HSPG2: variants seen among roughly 807,000 people sequenced by gnomAD.
HSPG2 encodes the protein basement membrane-specific heparan sulfate proteoglycan core protein.
Under a neutral mutation model 526.6 loss-of-function variants are expected in HSPG2, and 278 were observed. The observed-to-expected ratio is 0.53, with a 90% CI of 0.48 to 0.58. The LOEUF (loss-of-function observed/expected upper bound fraction) is 0.58, where lower values mean the gene tolerates loss of function less well. HSPG2 is among the 20% of genes least tolerant of loss of function. The pLI is 0.00. For missense variants in HSPG2, 5,354 were observed against 6,099.5 expected (o/e 0.88, Z 4.07); for synonymous variants, 2,465 against 2,555.4 (o/e 0.96, Z 1.07).
intron 77 of HSPG2, among the ~76,000 whole-genome samples, chr1:21,834,175 A>G (rs923788956): frequency 2.6e-5 from 4 of 152,332 alleles, no homozygotes; most frequent in Admixed American, 2.0e-4. Flanking sequence ...TGGGCAAAAA[A>G]TTGTGCAGCC....
At position 21,849,029 on chromosome 1, in the gene HSPG2, C is replaced by A. The variant is rs779935740; in HGVS notation, c.7449G>T (p.Val2483=). The A allele has an allele frequency of 1.9e-6, 3 of 1,613,838 alleles. No individual in the cohort carries two copies. The highest frequency in any genetic ancestry group is 2.5e-6 in the Non-Finnish European group (3 of 1,179,986). ...RGGSLPARHQ[V]HGSRLRLLQV... Reference sequence around the variant, plus strand: ...GGAGCAGGCGTAGCCTCGAGCCATGCACCTGGGAGGGTCAGGAGGGAGGAG... The same window carrying A: ...GGAGCAGGCGTAGCCTCGAGCCATGAACCTGGGAGGGTCAGGAGGGAGGAG... The change falls in exon 58 of 97, where the codon GTG becomes GTT. Residue 2483 remains valine (V), a splice_region_variant and synonymous_variant. Transcript: ENST00000374695.
chr1:21,907,617 A>G (rs1035401769), intron 1 of HSPG2, among the ~76,000 whole-genome samples: 7 of 152,170 alleles, frequency 4.6e-5, no homozygotes, highest in African/African-American at 1.7e-4. Context: ...TCCTAGGCTC[A>G]AGATATCCTC....
In HSPG2 at chr1:21,854,229, G is replaced by C. The variant is rs939252224; in HGVS notation, c.6403C>G (p.Leu2135Val). The C allele has an allele frequency of 3.2e-5, 51 of 1,596,896 alleles. No individual in the cohort carries two copies. Among genetic ancestry groups the C allele is most frequent in the Non-Finnish European group, 4.3e-5 (50 of 1,171,528 alleles). ...CTGGGGCCAGAATGGGTGCCGTGGAGCACAGACACAGTAATGGAGGCCTCC... is the reference window on the plus strand; with the variant it reads ...CTGGGGCCAGAATGGGTGCCGTGGACCACAGACACAGTAATGGAGGCCTCC... Reference protein sequence around the residue: ...PKEASITVSVLHGTHSGPSYT... With the variant: ...PKEASITVSVVHGTHSGPSYT... The change falls in exon 50 of 97, where the codon CTC becomes GTC. Residue 2135 changes from leucine to valine, a missense_variant. Coordinates refer to ENST00000374695, the MANE Select transcript of HSPG2 (RefSeq NM_005529.7).
chr1:21,850,266 G>A (rs1638783531), intron 56 of HSPG2, 74 bp from the exon 57 acceptor site: 3 of 1,611,598 alleles, frequency 1.9e-6, no homozygotes, highest in African/African-American at 1.3e-5. Flanking sequence ...CTCAAGGCAG[G>A]TGCAGTCTGC....
intron 1 of HSPG2, among the ~76,000 whole-genome samples, chr1:21,936,043 C>G (rs975704417): frequency 6.6e-6 from 1 of 152,056 alleles, no homozygotes; most frequent in Non-Finnish European, 1.5e-5. Flanking sequence ...AAACACCAGC[C>G]TGGTTAGAAA....
chr1:21,855,857 C>T lies in HSPG2; in HGVS notation c.5631G>A (p.Val1877=), dbSNP rs745830032. The T allele has an allele frequency of 6.8e-6, 11 of 1,613,000 alleles. No individual in the cohort carries two copies. The highest frequency in any genetic ancestry group is 5.3e-5 in the African/African-American group (4 of 75,050). Residue 1877 remains valine (V), a synonymous_variant, in exon 45 of 97, where the codon GTG becomes GTA. Transcript: ENST00000374695. ...VVSIHPPQLT[V]QPGQLAEFRC... ...GGAACTCCGCCAGTTGCCCGGGCTGCACTGTGAGCTGTGGCGGATGGATGG... is the reference window on the plus strand; with the variant it reads ...GGAACTCCGCCAGTTGCCCGGGCTGTACTGTGAGCTGTGGCGGATGGATGG...
intron 1 of HSPG2, among the ~76,000 whole-genome samples, chr1:21,909,086 C>T (rs1207821671): frequency 2.0e-5 from 3 of 152,108 alleles, no homozygotes; most frequent in Admixed American, 6.6e-5. Context: ...CCAGCCTGGG[C>T]GACAGAGTGA....
In HSPG2 at chr1:21,886,403, G is replaced by A. The variant is rs529652867; in HGVS notation, c.1078+812C>T. ...CCGGGGCTTGCTGTGGAGTGGGCAG[G>A]GGAAGGAAGGCAAGGAGAAGCTGGA... On this transcript the variant is annotated intron_variant, in intron 9 of 96. Coordinates refer to ENST00000374695, the MANE Select transcript of HSPG2 (RefSeq NM_005529.7). Among the ~76,000 whole-genome samples, 4 of 152,302 alleles carry A rather than the reference G, an allele frequency of 2.6e-5. No individual in the cohort carries two copies. In the South Asian group the frequency reaches 6.2e-4, roughly 24 times the overall value.
At chr1:21,901,226 T>C (rs1423173559) in intron 1 of HSPG2, among the ~76,000 whole-genome samples, 5 of 151,918 alleles carry the variant, frequency 3.3e-5, no homozygotes, top group African/African-American at 1.2e-4. Flanking sequence ...GCTGGGTAAA[T>C]GGGATCAAGC....
rs1643366061 is a variant in HSPG2 at position 21,906,130 on chromosome 1, TG to T, written c.64-9821del. Reference sequence around the variant, plus strand: ...AACCAAGACTTGAACCTAAGACCCCTGGCTCCACACCTGGAAGGAACTCCAT... The same window carrying T: ...AACCAAGACTTGAACCTAAGACCCCTGCTCCACACCTGGAAGGAACTCCAT... On this transcript the variant is annotated intron_variant, in intron 1 of 96. Coordinates refer to ENST00000374695, the MANE Select transcript of HSPG2 (RefSeq NM_005529.7). Among the ~76,000 whole-genome samples the T allele has an allele frequency of 2.6e-5, 4 of 152,336 alleles. No homozygotes were observed. In the South Asian group the frequency reaches 8.3e-4, roughly 32 times the overall value.
chr1:21,837,284 A>G (rs1047370339), intron 74 of HSPG2, among the ~76,000 whole-genome samples: 4 of 151,918 alleles, frequency 2.6e-5, no homozygotes, highest in Non-Finnish European at 5.9e-5. Flanking sequence ...AGTGGGAGGG[A>G]CTCAATACTT....
intron 1 of HSPG2, among the ~76,000 whole-genome samples, chr1:21,916,419 G>A (rs1643889914): frequency 6.6e-6 from 1 of 152,056 alleles, no homozygotes; most frequent in South Asian, 2.1e-4. Flanking sequence ...GCAGGAGAAT[G>A]GCATGAATCC....
chr1:21,885,568 C>T, intron 9 of HSPG2, 117 bp from the exon 10 acceptor site: 2 of 1,196,116 alleles, frequency 1.7e-6, no homozygotes, highest in Non-Finnish European at 2.4e-6. Context: ...CCATGCCTAG[C>T]CCCTGCTGCA....
At chr1:21,905,102 A>C (rs1001126485) in intron 1 of HSPG2, among the ~76,000 whole-genome samples, 1 of 152,064 alleles carries the variant, frequency 6.6e-6, no homozygotes, top group Non-Finnish European at 1.5e-5. Flanking sequence ...CCAACGGGTG[A>C]GAGGAAAAGC....
At position 21,879,040 on chromosome 1, in the gene HSPG2, T is replaced by G. The variant is rs1572338935; in HGVS notation, c.2425A>C (p.Thr809Pro). The G allele has an allele frequency of 4.3e-6, 7 of 1,614,184 alleles. No homozygotes were observed. Among genetic ancestry groups the G allele is most frequent in the Non-Finnish European group, 5.9e-6 (7 of 1,180,034 alleles). The change falls in exon 18 of 97, where the codon ACT becomes CCT. Residue 809 changes from threonine (T) to proline (P), a missense_variant. Coordinates refer to ENST00000374695, the MANE Select transcript of HSPG2 (RefSeq NM_005529.7). ...FFGDAMKATA[T>P]SCRPCPCPYI... is the part of the protein sequence containing the mutation. ...GGGCAAGGGCAGGGCCGGCAGGAAG[T>G]GGCCGTGGCCTTCATGGCGTCCCCA...
chr1:21,864,561 A>G lies in HSPG2; in HGVS notation c.4626+282T>C, dbSNP rs1640074995. ...GGCTGCACTGCCCAGTGGTTAGGAC[A>G]TGCTAGGCTTTGGAGTCAATCAGAC... On this transcript the variant is annotated intron_variant, in intron 36 of 96. Coordinates refer to ENST00000374695, the MANE Select transcript of HSPG2 (RefSeq NM_005529.7). The surrounding 1 kb of genome is among the most constrained non-coding windows in gnomAD (Gnocchi z 4.8). 6.6e-6 allele frequency among the ~76,000 whole-genome samples: 1 copy of G among 152,214 alleles called. No individual in the cohort carries two copies. Among genetic ancestry groups the G allele is most frequent in the African/African-American group, 2.4e-5 (1 of 41,450 alleles).
intron 18 of HSPG2, 112 bp from the exon 19 acceptor site, chr1:21,878,775 G>A (rs1411403173): frequency 2.7e-5 from 33 of 1,227,222 alleles, no homozygotes; most frequent in Admixed American, 9.3e-5. Context: ...GAGGCATGAC[G>A]CCATCTCCCT....
intron 86 of HSPG2, 57 bp from the exon 87 acceptor site, chr1:21,829,661 C>G: frequency 6.9e-7 from 1 of 1,451,644 alleles, no homozygotes; most frequent in African/African-American, 1.4e-5. Context: ...CGGGTGGGGT[C>G]CAGCTACTCT....
Position 21,887,810 on chromosome 1 carries a change from C to T in HSPG2, c.703+128G>A. 1 of 1,567,158 alleles carries T rather than the reference C, an allele frequency of 6.4e-7. No homozygotes were observed. On this transcript the variant is annotated intron_variant, in intron 7 of 96. Coordinates refer to ENST00000374695, the MANE Select transcript of HSPG2 (RefSeq NM_005529.7). This position sits in a 1 kb window ranked among gnomAD's most constrained non-coding sequence, Gnocchi z 5.0. ...ACCCCCTGCCTGGCTCTGTCATCAC[C>T]CTTCCTATGCCCCCATCCTCTGCCT...
Sources: allele counts gnomAD v4.1 joint callset (sites outside exome capture counted in the v4.1 genomes callset), GRCh38; gene constraint gnomAD v4.1.1; non-coding constraint Gnocchi (gnomAD v3.1); transcripts MANE v1.5; gene names NCBI Gene and HGNC (gene_info 2026-07-23, HGNC 2026-07-21).